Variants in AKT3 observed in about 807,000 individuals in gnomAD.
AKT3 encodes RAC-gamma serine/threonine-protein kinase.
In AKT3, 15 loss-of-function variants were observed where a neutral mutation model predicts 65.3. The observed-to-expected ratio is 0.23, with a 90% CI of 0.15 to 0.35. The LOEUF (loss-of-function observed/expected upper bound fraction) is 0.35. AKT3 is among the 10% of genes least tolerant of loss of function. The pLI, the probability that AKT3 is intolerant of heterozygous loss-of-function variation, is 1.00. For synonymous variants in AKT3, 206 were observed against 183.8 expected, an observed-to-expected ratio of 1.12 and a Z score of -0.98; for missense variants, 243 against 576.5, an observed-to-expected ratio of 0.42 and a Z score of 5.92.
intron 2 of AKT3, among the ~76,000 whole-genome samples, chr1:243,806,977 G>C (rs1692766516): frequency 1.3e-5 from 2 of 152,096 alleles, no homozygotes; most frequent in Admixed American, 1.3e-4. Context: ...AACTGATTCA[G>C]GCAATATCAT....
At chr1:243,651,453 G>A (rs1357295783) in intron 4 of AKT3, among the ~76,000 whole-genome samples, 1 of 152,106 alleles carries the variant, frequency 6.6e-6, no homozygotes, top group East Asian at 1.9e-4. Flanking sequence ...GGTGAGAGGG[G>A]GCATCCTTGT....
At chr1:243,685,454 G>T (rs527701775) in intron 3 of AKT3, among the ~76,000 whole-genome samples, 1 of 152,188 alleles carries the variant, frequency 6.6e-6, no homozygotes, top group Non-Finnish European at 1.5e-5. Context: ...CCCATTGCTT[G>T]TTTTTGTCAG....
intron 3 of AKT3, among the ~76,000 whole-genome samples, chr1:243,689,839 G>A (rs189940915): frequency 6.6e-6 from 1 of 152,134 alleles, no homozygotes; most frequent in African/African-American, 2.4e-5. Context: ...CCAATACTCA[G>A]GATGCTGAGG....
chr1:243,489,958 G>C (rs1052909896), intron 13 of AKT3, among the ~76,000 whole-genome samples: 1 of 152,302 alleles, frequency 6.6e-6, no homozygotes, highest in South Asian at 2.1e-4. Context: ...ATTTTGCCCC[G>C]TCAAGCAGTT....
chr1:243,618,288 C>T (rs141670132), intron 6 of AKT3, among the ~76,000 whole-genome samples: 1 of 152,146 alleles, frequency 6.6e-6, no homozygotes, highest in African/African-American at 2.4e-5. Context: ...CATGTACATA[C>T]CAAAATGTAT....
At chr1:243,739,885 C>G (rs1045413427) in intron 2 of AKT3, among the ~76,000 whole-genome samples, 3 of 152,218 alleles carry the variant, frequency 2.0e-5, no homozygotes, top group Admixed American at 2.0e-4. Flanking sequence ...TTAGAAATCA[C>G]TTTTTCTTTT....
intron 3 of AKT3, among the ~76,000 whole-genome samples, chr1:243,683,654 C>G (rs1420952423): frequency 1.3e-5 from 2 of 151,260 alleles, no homozygotes; most frequent in Non-Finnish European, 2.9e-5. Context: ...TTGAGTGAGA[C>G]AGAAAGGGGG....
intron 3 of AKT3, among the ~76,000 whole-genome samples, chr1:243,683,616 A>G (rs1377856437): frequency 6.6e-6 from 1 of 152,166 alleles, no homozygotes; most frequent in Admixed American, 6.6e-5. Context: ...ATCAACAAGT[A>G]ATAGTTGATT....
At chr1:243,584,885 G>C (rs1489939606) in intron 8 of AKT3, among the ~76,000 whole-genome samples, 2 of 152,104 alleles carry the variant, frequency 1.3e-5, no homozygotes, top group Non-Finnish European at 2.9e-5. Context: ...TATATTAGTG[G>C]AGAGTGCTAG....
intron 2 of AKT3, among the ~76,000 whole-genome samples, chr1:243,790,131 G>C (rs767461224): frequency 6.6e-6 from 1 of 152,170 alleles, no homozygotes; most frequent in Non-Finnish European, 1.5e-5. Context: ...CATTAGCTAC[G>C]ACCAAGAAAG....
At chr1:243,679,959 G>A (rs1291131410) in intron 3 of AKT3, among the ~76,000 whole-genome samples, 4 of 152,050 alleles carry the variant, frequency 2.6e-5, no homozygotes, top group Non-Finnish European at 5.9e-5. Context: ...AGGAAACAAT[G>A]CATATGAAAT....
chr1:243,833,247 A>G (rs1250911287), intron 2 of AKT3, among the ~76,000 whole-genome samples: 2 of 152,148 alleles, frequency 1.3e-5, no homozygotes, highest in Non-Finnish European at 2.9e-5. Flanking sequence ...GCAAGACTCC[A>G]TATCAAAAAA....
At chr1:243,550,436 C>T (rs549212925) in intron 11 of AKT3, among the ~76,000 whole-genome samples, 2 of 152,052 alleles carry the variant, frequency 1.3e-5, no homozygotes, top group African/African-American at 4.8e-5. Context: ...TTCCTAAGTA[C>T]CGACTATGTG....
chr1:243,808,648 G>C (rs571468977), intron 2 of AKT3, among the ~76,000 whole-genome samples: 1 of 152,104 alleles, frequency 6.6e-6, no homozygotes, highest in Non-Finnish European at 1.5e-5. Context: ...CAGCAAGGCA[G>C]GCCAACATTC....
chr1:243,765,905 C>T (rs965436158), intron 2 of AKT3, among the ~76,000 whole-genome samples: 3 of 152,120 alleles, frequency 2.0e-5, no homozygotes, highest in African/African-American at 7.2e-5. Flanking sequence ...CCTACTGCCA[C>T]AGAAAAGGGC....
At chr1:243,657,819 C>A (rs1168845544) in intron 4 of AKT3, among the ~76,000 whole-genome samples, 1 of 151,916 alleles carries the variant, frequency 6.6e-6, no homozygotes, top group Non-Finnish European at 1.5e-5. Flanking sequence ...AACAGAGAGC[C>A]CAGGTAATAA....
At chr1:243,812,233 C>T (rs996009722) in intron 2 of AKT3, among the ~76,000 whole-genome samples, 2 of 152,040 alleles carry the variant, frequency 1.3e-5, no homozygotes, top group Admixed American at 1.3e-4. Context: ...GAGTGAACAG[C>T]CAACCTACAG....
chr1:243,814,901 C>G (rs1015920952), intron 2 of AKT3, among the ~76,000 whole-genome samples: 7 of 152,188 alleles, frequency 4.6e-5, no homozygotes, highest in Admixed American at 3.3e-4. Flanking sequence ...GAGTCACTGA[C>G]CCATAGCAAT....
At chr1:243,527,706 C>T (rs1671203324) in intron 12 of AKT3, among the ~76,000 whole-genome samples, 2 of 152,082 alleles carry the variant, frequency 1.3e-5, no homozygotes, top group Admixed American at 6.6e-5. Flanking sequence ...TCTTCTCACT[C>T]TTAATAAGAA....
Sources: gnomAD v4.1 joint callset for allele counts (sites outside exome capture counted in the v4.1 genomes callset) on GRCh38, gnomAD v4.1.1 for gene constraint, MANE v1.5 for transcripts, NCBI Gene and HGNC (gene_info 2026-07-23, HGNC 2026-07-21) for gene names.